The following SULT1A1 variants were observed in gnomAD, a reference collection of about 807,000 sequenced individuals.
SULT1A1 encodes sulfotransferase family 1A member 1.
A neutral mutation model predicts 36.8 loss-of-function variants in SULT1A1; 35 were observed. The observed-to-expected ratio is 0.95, with a 90% CI of 0.73 to 1.26. The LOEUF is 1.26. Among genes scored for constraint, SULT1A1 ranks in the 50% most tolerant of loss-of-function variants. The probability of loss-of-function intolerance (pLI) is 0.00; values close to 1 mark genes in which losing one functional copy is unlikely to be tolerated. For synonymous variants in SULT1A1, 119 were observed against 146.0 expected (o/e 0.82, Z 1.33); for missense variants, 309 against 383.0 (o/e 0.81, Z 1.61).
chr16:28,608,115 G>T lies in SULT1A1; in HGVS notation c.372+176C>A, dbSNP rs1299486875. The T allele has an allele frequency of 3.3e-6, 3 of 913,956 alleles. No homozygotes were observed. The African/African-American group carries it at 4.8e-5, about 15-fold the overall frequency. The allele number at this position is 913,956 out of a possible 1,614,324, so 56.6% of individuals were successfully genotyped here. A position where few individuals can be genotyped will look rare whatever the true frequency, so the allele number is the denominator to read the frequency against. On this transcript the variant is annotated intron_variant, in intron 4 of 7. Transcript: ENST00000314752. ...TGATTCTCCTGTCTCAGGCTTCGGA[G>T]TAGCTGGGATTACAGGCACCCGCCA...
intron 1 of SULT1A1, 166 bp downstream of exon 1, chr16:28,609,765 A>C (rs1301220362): frequency 1.2e-6 from 1 of 859,748 alleles, no homozygotes; most frequent in Non-Finnish European, 1.6e-6. Flanking sequence ...GGGGAAAAAA[A>C]CAAACAAACA....
chr16:28,606,619 G>C, intron 6 of SULT1A1, 142 bp downstream of exon 6: 2 of 1,357,760 alleles, frequency 1.5e-6, no homozygotes, highest in Non-Finnish European at 2.0e-6. Flanking sequence ...TTAGTGGGGA[G>C]GCCTGGGCCA....
Position 28,608,575 on chromosome 16 carries a change from G to A in SULT1A1, c.177C>T (p.Asp59=), listed in dbSNP as rs763079871. The A allele has an allele frequency of 6.2e-7, 1 of 1,612,374 alleles. No individual in the cohort carries two copies. Among genetic ancestry groups the A allele is most frequent in the Non-Finnish European group, 8.5e-7 (1 of 1,178,594 alleles). ...SGTTWVSQIL[D]MIYQGGDLEK... ...CCAGGTCACCACCCTGGTAGATCAT[G>A]TCCAGAATCTGGCTTACCCAGGTAG... is the stretch of plus-strand genomic sequence containing the variant. Residue 59 remains aspartate, a synonymous_variant, in exon 3 of 8, where the codon GAC becomes GAT. Transcript: ENST00000314752.
chr16:28,611,544 A>AC (rs2047452926), upstream of SULT1A1: 1 of 152,172 alleles, frequency 6.6e-6, no homozygotes, highest in Non-Finnish European at 1.5e-5. Context: ...TCATGAATAT[A>AC]CCCCTCTTTA....
chr16:28,606,781 A>T lies in SULT1A1; in HGVS notation c.574T>A (p.Phe192Ile). 6.2e-7 allele frequency: 1 copy of T among 1,612,382 alleles called. No individual in the cohort carries two copies. Among genetic ancestry groups the T allele is most frequent in the Non-Finnish European group, 8.5e-7 (1 of 1,178,646 alleles). ...LSRTHPVLYL[F>I]YEDMKENPKR... Reference sequence around the variant, plus strand: ...CTCACCTCCTTCATGTCTTCATAGAAGAGGTAGAGAACAGGGTGGGTGCGG... The same window carrying T: ...CTCACCTCCTTCATGTCTTCATAGATGAGGTAGAGAACAGGGTGGGTGCGG... Residue 192 changes from phenylalanine (F) to isoleucine (I), a missense_variant, in exon 6 of 8, where the codon TTC becomes ATC. Phe to Ile is a conservative substitution (Grantham distance 21). Coordinates refer to ENST00000314752, the MANE Select transcript of SULT1A1 (RefSeq NM_001055.4).
At chr16:28,610,140 G>T (rs1212407257), upstream of SULT1A1, 31 of 1,285,724 alleles carry the variant, frequency 2.4e-5, no homozygotes, top group African/African-American at 1.2e-4. Context: ...CCTCCTTAGT[G>T]TGCCAGCTGG....
chr16:28,622,970 C>A (rs960554974), intron 1 of SULT1A1, among the ~76,000 whole-genome samples: 1 of 152,096 alleles, frequency 6.6e-6, no homozygotes, highest in African/African-American at 2.4e-5. Context: ...TTTGCCCTGG[C>A]CCTTCAGGCC....
At chr16:28,610,499 C>T, upstream of SULT1A1, 3 of 317,720 alleles carry the variant, frequency 9.4e-6, no homozygotes, top group South Asian at 7.7e-5. Flanking sequence ...GCCCACAGGC[C>T]CCCAGCAGCC....
chr16:28,616,014 A>AC (rs60700464), intron 2 of SULT1A1, among the ~76,000 whole-genome samples: 138,247 of 152,142 alleles, frequency 0.91, 64,312 homozygotes, highest in East Asian at 1. Flanking sequence ...TCACAGGGAG[A>AC]CGCTGGACCA....
chr16:28,610,814 G>A (rs1367692982), upstream of SULT1A1: 3 of 152,550 alleles, frequency 2.0e-5, no homozygotes, highest in Non-Finnish European at 4.4e-5. Flanking sequence ...CCGTGGAAGG[G>A]GGGCATCCCC....
At chr16:28,615,129 C>T (rs1488742610) in intron 2 of SULT1A1, among the ~76,000 whole-genome samples, 7 of 105,114 alleles carry the variant, frequency 6.7e-5, no homozygotes, top group Admixed American at 2.2e-4. Context: ...CCTCCAACAG[C>T]CCCAGGGCTG....
At chr16:28,615,672 T>C (rs183976256) in intron 2 of SULT1A1, among the ~76,000 whole-genome samples, 1 of 152,150 alleles carries the variant, frequency 6.6e-6, no homozygotes, top group African/African-American at 2.4e-5. Flanking sequence ...CTACCACCAA[T>C]ATGCAGAGAC....
intron 1 of SULT1A1, chr16:28,609,425 A>AG (rs2047362649): frequency 1.3e-5 from 16 of 1,272,974 alleles, no homozygotes; most frequent in Non-Finnish European, 1.5e-5. Context: ...AGCTGCTACT[A>AG]GGGGCCAGAG....
chr16:28,620,563 CA>C (rs5816469), intron 1 of SULT1A1, among the ~76,000 whole-genome samples: 50,021 of 90,892 alleles, frequency 0.55, 10,231 homozygotes, highest in East Asian at 0.77. Context: ...GACCCTGTCT[CA>C]AAAAAAAAAA....
chr16:28,609,518 C>G (rs1322453219), intron 1 of SULT1A1: 1 of 796,908 alleles, frequency 1.3e-6, no homozygotes, highest in Non-Finnish European at 1.8e-6. Flanking sequence ...AATCCCAGAC[C>G]CTAGGGAGGC....
intron 2 of SULT1A1, among the ~76,000 whole-genome samples, chr16:28,618,717 T>C (rs2047594941): frequency 6.6e-6 from 1 of 152,160 alleles, no homozygotes; most frequent in African/African-American, 2.4e-5. Flanking sequence ...GTTTTGAACC[T>C]TGGAGTAACC....
rs1472147943 is a variant in SULT1A1 at position 28,608,341 on chromosome 16, G to C, written c.322C>G (p.His108Asp). ...TGGGGGAGCAGAGCCAGGGGCAGGT[G>C]TGTCTTCAGGAGTCGTGGGGCCGGT... Reference protein sequence around the residue: ...DTPAPRLLKTHLPLALLPQTL... With the variant: ...DTPAPRLLKTDLPLALLPQTL... The change falls in exon 4 of 8, where the codon CAC (histidine) becomes GAC (aspartate). Residue 108 changes from histidine to aspartate, a missense_variant. By Grantham distance (81) the His-to-Asp change is moderately conservative (BLOSUM62 -1). Around this residue, in one of 3 missense-constraint regions of SULT1A1, gnomAD observed 219 missense variants for 215.3 expected, o/e 1.02. Transcript: ENST00000314752. The C allele has an allele frequency of 1.9e-6, 3 of 1,612,384 alleles. No homozygotes were observed. The highest frequency in any genetic ancestry group is 2.7e-5 in the African/African-American group (2 of 74,964).
intron 2 of SULT1A1, among the ~76,000 whole-genome samples, chr16:28,616,802 A>T (rs966172648): frequency 5.3e-5 from 8 of 152,132 alleles, no homozygotes; most frequent in Non-Finnish European, 1.0e-4. Context: ...CTAACCGTGA[A>T]GTGCAAGATC....
At chr16:28,620,008 T>C (rs2047619508) in intron 2 of SULT1A1, 2 of 1,442,338 alleles carry the variant, frequency 1.4e-6, no homozygotes, top group African/African-American at 2.8e-5. Flanking sequence ...TGTGTGTGTG[T>C]GTGTATATAC....
Sources: allele counts gnomAD v4.1 joint callset (sites outside exome capture counted in the v4.1 genomes callset), GRCh38; gene constraint gnomAD v4.1.1; regional missense constraint gnomAD v4.1.1; transcripts MANE v1.5; gene names NCBI Gene and HGNC (gene_info 2026-07-23, HGNC 2026-07-21).